TTC6: variants seen among roughly 807,000 people sequenced by gnomAD.
TTC6 encodes the protein tetratricopeptide repeat protein 6.
Under a neutral mutation model 210.4 loss-of-function variants are expected in TTC6, and 172 were observed. The observed-to-expected ratio is 0.82, with a 90% confidence interval of 0.72 to 0.93. TTC6 has a LOEUF of 0.93. TTC6 is among the 40% of genes least tolerant of loss of function. The probability of loss-of-function intolerance (pLI) is 0.00; values close to 1 mark genes in which losing one functional copy is unlikely to be tolerated. For missense variants in TTC6, 2,414 were observed against 2,318.1 expected, an observed-to-expected ratio of 1.04 and a Z score of -0.85; for synonymous variants, 804 against 819.6, an observed-to-expected ratio of 0.98 and a Z score of 0.32.
chr14:37,834,806 A>G (rs2139033840), intron 29 of TTC6, among the ~76,000 whole-genome samples: 1 of 151,896 alleles, frequency 6.6e-6, no homozygotes, highest in East Asian at 1.9e-4. Context: ...ACTTCTTCCA[A>G]TTTTATTAAG....
chr14:37,669,351 C>T (rs958137937), intron 1 of TTC6, among the ~76,000 whole-genome samples: 10 of 152,154 alleles, frequency 6.6e-5, no homozygotes, highest in African/African-American at 1.9e-4. Context: ...GTAAGTGGCA[C>T]GTGTGCACCT....
chr14:37,815,324 T>C (rs2096138926), intron 25 of TTC6, among the ~76,000 whole-genome samples: 3 of 152,208 alleles, frequency 2.0e-5, no homozygotes, highest in Admixed American at 6.5e-5. Flanking sequence ...TGGAAGATAA[T>C]TTTTTCAGGG....
chr14:37,758,942 T>G (rs1296500873), intron 14 of TTC6, among the ~76,000 whole-genome samples: 4 of 152,182 alleles, frequency 2.6e-5, no homozygotes, highest in African/African-American at 7.2e-5. Context: ...CCTTCACTTA[T>G]GAAGCTTAGT....
chr14:37,742,999 T>C (rs1346886930), intron 10 of TTC6, among the ~76,000 whole-genome samples: 1 of 152,230 alleles, frequency 6.6e-6, no homozygotes, highest in African/African-American at 2.4e-5. Flanking sequence ...ATATCAACGA[T>C]ATATTGAGCA....
At chr14:37,813,345 A>C (rs2096134051) in intron 25 of TTC6, among the ~76,000 whole-genome samples, 1 of 152,202 alleles carries the variant, frequency 6.6e-6, no homozygotes, top group African/African-American at 2.4e-5. Flanking sequence ...AACCTCAGGT[A>C]GATGGAAGTA....
At chr14:37,727,047 C>A (rs1000571533) in intron 7 of TTC6, among the ~76,000 whole-genome samples, 1 of 151,644 alleles carries the variant, frequency 6.6e-6, no homozygotes, top group East Asian at 1.9e-4. Context: ...TATACTCATA[C>A]CAGTATAACA....
At chr14:37,672,567 A>G (rs919715042) in intron 1 of TTC6, among the ~76,000 whole-genome samples, 1 of 152,180 alleles carries the variant, frequency 6.6e-6, no homozygotes, top group African/African-American at 2.4e-5. Flanking sequence ...GTTGGTACAT[A>G]ATTCAAAGGG....
At chr14:37,730,958 A>G (rs895172967) in intron 7 of TTC6, among the ~76,000 whole-genome samples, 11 of 152,362 alleles carry the variant, frequency 7.2e-5, no homozygotes, top group African/African-American at 2.6e-4. Context: ...AGCTGCAGCA[A>G]TGAAAATTCA....
At chr14:37,750,336 A>G (rs1206095200) in intron 12 of TTC6, among the ~76,000 whole-genome samples, 1 of 152,202 alleles carries the variant, frequency 6.6e-6, no homozygotes, top group African/African-American at 2.4e-5. Flanking sequence ...CCCAGCACCT[A>G]CAACATACCC....
intron 26 of TTC6, among the ~76,000 whole-genome samples, chr14:37,821,552 G>C (rs1335259136): frequency 2.6e-5 from 4 of 152,066 alleles, no homozygotes; most frequent in Non-Finnish European, 5.9e-5. Flanking sequence ...ATGCTTCACT[G>C]TGGATTGTTG....
intron 1 of TTC6, among the ~76,000 whole-genome samples, chr14:37,597,005 A>ATTT (rs34214926): frequency 4.5e-4 from 62 of 138,548 alleles, no homozygotes; most frequent in African/African-American, 1.2e-3. Flanking sequence ...ATTGGATTAC[A>ATTT]TTTTTTTTTT....
Position 37,703,701 on chromosome 14 carries a change from G to A in TTC6, c.1571+2175G>A, listed in dbSNP as rs1272238653. ...CAAGAATATTTTAATGGAATTGGAAGGGTATATACTTAAGTTTATTTGAAC... is the reference window on the plus strand; with the variant it reads ...CAAGAATATTTTAATGGAATTGGAAAGGTATATACTTAAGTTTATTTGAAC... On this transcript the variant is annotated intron_variant, in intron 5 of 30. Coordinates refer to ENST00000553443, the Ensembl canonical transcript of TTC6. Among the ~76,000 whole-genome samples the A allele has an allele frequency of 3.9e-5, 6 of 152,190 alleles. No homozygotes were observed. In the East Asian group the frequency reaches 9.6e-4, roughly 24 times the overall value.
intron 14 of TTC6, among the ~76,000 whole-genome samples, chr14:37,782,096 T>A (rs1374869824): frequency 1.3e-5 from 2 of 152,252 alleles, no homozygotes; most frequent in Admixed American, 6.5e-5. Flanking sequence ...CTTAGGATTG[T>A]CTTGGCAATG....
At chr14:37,694,576 A>G (rs1220897386) in intron 3 of TTC6, among the ~76,000 whole-genome samples, 2 of 152,202 alleles carry the variant, frequency 1.3e-5, no homozygotes, top group Non-Finnish European at 2.9e-5. Context: ...GCTGCTGGGT[A>G]CATACCCCAA....
chr14:37,628,318 G>A (rs1196746491), intron 1 of TTC6, among the ~76,000 whole-genome samples: 1 of 152,156 alleles, frequency 6.6e-6, no homozygotes, highest in Non-Finnish European at 1.5e-5. Flanking sequence ...GGCATGAGAT[G>A]GTATCTCATT....
chr14:37,701,500 C>A, exon 5 of TTC6: 1 of 1,500,748 alleles, frequency 6.7e-7, no homozygotes, highest in Non-Finnish European at 8.8e-7. Context: ...TAGATGATCG[C>A]TTTACAGATG....
intron 25 of TTC6, among the ~76,000 whole-genome samples, chr14:37,813,497 G>T (rs1024471753): frequency 3.3e-5 from 5 of 152,120 alleles, no homozygotes; most frequent in African/African-American, 1.2e-4. Context: ...TCTGAATAAA[G>T]ATTTATTTAG....
chr14:37,631,209 T>A (rs2095669348), intron 1 of TTC6, among the ~76,000 whole-genome samples: 1 of 152,072 alleles, frequency 6.6e-6, no homozygotes, highest in Non-Finnish European at 1.5e-5. Context: ...ATAGTGTTGA[T>A]GGTCTTTACA....
At chr14:37,747,710 C>T (rs1362286505) in intron 10 of TTC6, among the ~76,000 whole-genome samples, 1 of 152,078 alleles carries the variant, frequency 6.6e-6, no homozygotes, top group African/African-American at 2.4e-5. Context: ...AGATCAGTTT[C>T]CTGAGACAGG....
Sources: gnomAD v4.1 joint callset for allele counts (sites outside exome capture counted in the v4.1 genomes callset) on GRCh38, gnomAD v4.1.1 for gene constraint, MANE v1.5 for transcripts, NCBI Gene and HGNC (gene_info 2026-07-23, HGNC 2026-07-21) for gene names.